ATP6V1C1: variants seen among roughly 807,000 people sequenced by gnomAD.
ATP6V1C1 encodes ATPase H+ transporting V1 subunit C1.
ATP6V1C1 carries 45 observed loss-of-function variants against 53.9 expected under a neutral mutation model. The ratio of observed to expected loss-of-function variants is 0.83; its 90% CI spans 0.66 to 1.07. The LOEUF is 1.07. Among genes scored for constraint, ATP6V1C1 ranks in the 50% least tolerant of loss-of-function variants. The pLI, the probability that ATP6V1C1 is intolerant of heterozygous loss-of-function variation, is 0.00. For synonymous variants in ATP6V1C1, 153 were observed against 155.2 expected (o/e 0.99, Z 0.11); for missense variants, 315 against 440.3 (o/e 0.72, Z 2.55).
At chr8:103,060,226 C>T (rs1239139634) in intron 8 of ATP6V1C1, among the ~76,000 whole-genome samples, 1 of 152,152 alleles carries the variant, frequency 6.6e-6, no homozygotes, top group Non-Finnish European at 1.5e-5. Context: ...ACCTTGGCCT[C>T]CCAAAGTGCT....
chr8:103,070,413 C>CT lies in ATP6V1C1; in HGVS notation c.*1667dup, dbSNP rs1332258835. 6.6e-6 allele frequency: 1 copy of CT among 152,216 alleles called. No individual in the cohort carries two copies. Among genetic ancestry groups the CT allele is most frequent in the East Asian group, 1.9e-4 (1 of 5,202 alleles). The allele number at this position is 152,216 out of a possible 1,614,324, so 9.4% of individuals were successfully genotyped here. ...CCAAGTCATCTGTCAGAATTCTAAA[C>CT]TAAAGACATGTTTGGAGTGTGGATT... On this transcript the variant is annotated 3_prime_UTR_variant, in exon 13 of 13. Coordinates refer to ENST00000518738, the MANE Select transcript of ATP6V1C1 (RefSeq NM_001695.5).
chr8:103,027,328 G>A (rs1364920245), intron 1 of ATP6V1C1, among the ~76,000 whole-genome samples: 3 of 152,208 alleles, frequency 2.0e-5, no homozygotes, highest in Non-Finnish European at 2.9e-5. Context: ...GCATTTCAGA[G>A]ACCACGGTTT....
chr8:103,053,609 A>C (rs754009415), intron 6 of ATP6V1C1, among the ~76,000 whole-genome samples: 20 of 152,030 alleles, frequency 1.3e-4, no homozygotes, highest in Admixed American at 3.3e-4. Flanking sequence ...TTTCCAGTCA[A>C]GATATTATAT....
intron 1 of ATP6V1C1, among the ~76,000 whole-genome samples, chr8:103,036,801 A>G (rs1326476556): frequency 6.6e-6 from 1 of 152,206 alleles, no homozygotes; most frequent in African/African-American, 2.4e-5. Context: ...TCTTTGAGGA[A>G]GCTGCAGTTT....
rs145325230 is a variant in ATP6V1C1, at chr8:103,038,604, C to T, written c.-39-2194C>T. Among the ~76,000 whole-genome samples the T allele has an allele frequency of 4.3e-3, 654 of 152,270 alleles. 3 individuals are homozygous for T. Among genetic ancestry groups the T allele is most frequent in the African/African-American group, 0.015 (613 of 41,554 alleles). Reference sequence around the variant, plus strand: ...GCAAAAAAGTAAAAACAATTTAAGTCATTCCAGGAAGAAGCAGATAATAAA... The same window carrying T: ...GCAAAAAAGTAAAAACAATTTAAGTTATTCCAGGAAGAAGCAGATAATAAA... On this transcript the variant is annotated intron_variant, in intron 1 of 12. Transcript: ENST00000518738.
intron 3 of ATP6V1C1, among the ~76,000 whole-genome samples, chr8:103,048,043 C>T (rs1010794627): frequency 3.3e-5 from 5 of 152,182 alleles, no homozygotes; most frequent in Admixed American, 1.3e-4. Context: ...CCACCCAGGG[C>T]CTAGAGGCAG....
chr8:103,052,208 C>T (rs1817212946), intron 5 of ATP6V1C1, among the ~76,000 whole-genome samples: 1 of 151,936 alleles, frequency 6.6e-6, no homozygotes, highest in Non-Finnish European at 1.5e-5. Flanking sequence ...GTCAGTTCTT[C>T]GAATGTTGTT....
rs563511592 is a variant in ATP6V1C1 at position 103,025,045 on chromosome 8, T to G, written c.-40+3820T>G. On this transcript the variant is annotated intron_variant, in intron 1 of 12. Transcript: ENST00000518738. Reference sequence around the variant, plus strand: ...TTAACTGTATATCTAAAATGTGGGGTGTGTGTGTGTGTGTCTGTGTGAGTA... The same window carrying G: ...TTAACTGTATATCTAAAATGTGGGGGGTGTGTGTGTGTGTCTGTGTGAGTA... Among the ~76,000 whole-genome samples, 95 of 151,384 alleles carry G rather than the reference T, an allele frequency of 6.3e-4. 1 individual carries two copies. The highest frequency in any genetic ancestry group is 8.9e-4 in the Non-Finnish European group (60 of 67,722).
At chr8:103,067,735 G>A (rs538036831) in intron 12 of ATP6V1C1, among the ~76,000 whole-genome samples, 1 of 151,316 alleles carries the variant, frequency 6.6e-6, no homozygotes, top group South Asian at 2.1e-4. Context: ...TGAGTAGCTG[G>A]GATTATGCCT....
chr8:103,071,101 C>G lies in ATP6V1C1; in HGVS notation c.*2354C>G, dbSNP rs1817579425. ...GTTAGAAGGAAGTCATTGTGTCTAA[C>G]ATAACAACAGAGCAGTTTGTGTCAC... On this transcript the variant is annotated 3_prime_UTR_variant, in exon 13 of 13. Coordinates refer to ENST00000518738, the MANE Select transcript of ATP6V1C1 (RefSeq NM_001695.5). 6.6e-6 allele frequency: 1 copy of G among 152,212 alleles called. No homozygotes were observed. Among genetic ancestry groups the G allele is most frequent in the Non-Finnish European group, 1.5e-5 (1 of 68,064 alleles). 9.4% of individuals were successfully genotyped at this position (152,212 alleles called of 1,614,324 possible).
At chr8:103,032,287 G>T (rs192069911) in intron 1 of ATP6V1C1, among the ~76,000 whole-genome samples, 2 of 152,100 alleles carry the variant, frequency 1.3e-5, no homozygotes, top group South Asian at 2.1e-4. Context: ...TCATTAGTCC[G>T]CATGGAAATG....
chr8:103,061,136 T>C (rs1423084417), intron 8 of ATP6V1C1, among the ~76,000 whole-genome samples: 1 of 152,196 alleles, frequency 6.6e-6, no homozygotes, highest in African/African-American at 2.4e-5. Context: ...GTAGCTGCCC[T>C]TCATTGGGTT....
Position 103,040,802 on chromosome 8 carries a change from T to A in ATP6V1C1, c.-35T>A, listed in dbSNP as rs1816985994. 1 of 1,589,712 alleles carries A rather than the reference T, an allele frequency of 6.3e-7. No individual in the cohort carries two copies. The highest frequency in any genetic ancestry group is 8.5e-7 in the Non-Finnish European group (1 of 1,169,982). On this transcript the variant is annotated 5_prime_UTR_variant, in exon 2 of 13. Transcript: ENST00000518738. Reference sequence around the variant, plus strand: ...TTTATTTGTTTTACATTTCAGAATCTCTCTTGATTTTTGAGGAAATACCTA... The same window carrying A: ...TTTATTTGTTTTACATTTCAGAATCACTCTTGATTTTTGAGGAAATACCTA...
chr8:103,052,034 A>G (rs1817208805), intron 5 of ATP6V1C1, among the ~76,000 whole-genome samples: 1 of 152,086 alleles, frequency 6.6e-6, no homozygotes, highest in Non-Finnish European at 1.5e-5. Flanking sequence ...ACATTACTTG[A>G]TAATATAAAG....
intron 8 of ATP6V1C1, among the ~76,000 whole-genome samples, chr8:103,058,271 C>A (rs1235678622): frequency 6.6e-6 from 1 of 152,234 alleles, no homozygotes; most frequent in African/African-American, 2.4e-5. Context: ...CCGAGAGCTT[C>A]CAGCCTTTCC....
Position 103,063,053 on chromosome 8 carries a change from A to T in ATP6V1C1, c.734+6A>T, listed in dbSNP as rs1817430136. 1 of 1,613,194 alleles carries T rather than the reference A, an allele frequency of 6.2e-7. No individual in the cohort carries two copies. The highest frequency in any genetic ancestry group is 8.5e-7 in the Non-Finnish European group (1 of 1,179,464). On this transcript the variant is annotated splice_donor_region_variant and intron_variant, in intron 9 of 12. Transcript: ENST00000518738. Reference sequence around the variant, plus strand: ...CACAAAGCCAGAGAAAACAAGTAAGATTATTGTTTTTTTGTTTATTTACTT... The same window carrying T: ...CACAAAGCCAGAGAAAACAAGTAAGTTTATTGTTTTTTTGTTTATTTACTT...
intron 12 of ATP6V1C1, among the ~76,000 whole-genome samples, 183 bp from the exon 13 acceptor site, chr8:103,068,469 A>T (rs892142567): frequency 2.6e-5 from 4 of 152,238 alleles, no homozygotes; most frequent in Non-Finnish European, 5.9e-5. Flanking sequence ...AGGAGAAGTC[A>T]GTCTTTCAGA....
intron 1 of ATP6V1C1, among the ~76,000 whole-genome samples, chr8:103,035,401 C>T (rs1021367850): frequency 3.9e-5 from 6 of 152,266 alleles, no homozygotes; most frequent in African/African-American, 1.2e-4. Context: ...TTAGTGTATT[C>T]TGGCTCTCAG....
At chr8:103,056,057 CT>C in intron 8 of ATP6V1C1, 121 bp downstream of exon 8, 9 of 849,514 alleles carry the variant, frequency 1.1e-5, no homozygotes, top group Non-Finnish European at 1.6e-5. Flanking sequence ...TGAGTGAGTT[CT>C]ATGAACTCTA....
Sources: allele counts gnomAD v4.1 joint callset (sites outside exome capture counted in the v4.1 genomes callset), GRCh38; gene constraint gnomAD v4.1.1; transcripts MANE v1.5; gene names NCBI Gene and HGNC (gene_info 2026-07-23, HGNC 2026-07-21).